Variants in C11orf65 observed in about 807,000 individuals in gnomAD.
C11orf65 encodes chromosome 11 open reading frame 65, also known as protein MFI.
Under a neutral mutation model 35.3 loss-of-function variants are expected in C11orf65, and 38 were observed. The observed-to-expected ratio is 1.08, with a 90% CI of 0.83 to 1.41. The LOEUF (loss-of-function observed/expected upper bound fraction) is 1.41. Ranked by LOEUF, C11orf65 falls within the 40% of genes most tolerant of loss-of-function variation. C11orf65 has a pLI of 0.00. For synonymous variants in C11orf65, 105 were observed against 114.4 expected (o/e 0.92, Z 0.53); for missense variants, 370 against 367.1 (o/e 1.01, Z -0.06).
intron 2 of C11orf65, among the ~76,000 whole-genome samples, chr11:108,373,948 T>C (rs1296783796): frequency 1.3e-5 from 2 of 152,162 alleles, no homozygotes; most frequent in Non-Finnish European, 2.9e-5. Context: ...GAGATCAAAC[T>C]GCAAGGCTGC....
chr11:108,442,608 C>T (rs1351850202), intron 2 of C11orf65, among the ~76,000 whole-genome samples: 1 of 152,158 alleles, frequency 6.6e-6, no homozygotes, highest in African/African-American at 2.4e-5. Flanking sequence ...GGAAACCCAT[C>T]AGAATAACAG....
At chr11:108,407,011 T>C (rs1461426477) in intron 4 of C11orf65, 48 bp from the exon 5 acceptor site, 2 of 1,569,490 alleles carry the variant, frequency 1.3e-6, no homozygotes, top group Admixed American at 1.7e-5. Context: ...ACTACAAAAA[T>C]GTTTTACATT....
At chr11:108,447,940 G>A (rs1424744367) in intron 2 of C11orf65, among the ~76,000 whole-genome samples, 6 of 152,114 alleles carry the variant, frequency 3.9e-5, no homozygotes, top group Non-Finnish European at 7.4e-5. Context: ...AATAAAAAAT[G>A]ATAAAGGGGA....
chr11:108,356,276 C>A (rs971013099), intron 2 of C11orf65, among the ~76,000 whole-genome samples: 5 of 152,148 alleles, frequency 3.3e-5, no homozygotes, highest in African/African-American at 1.2e-4. Flanking sequence ...TGGCTCATGC[C>A]TGTAATCCCA....
chr11:108,394,278 A>T (rs2092253064), intron 6 of C11orf65, among the ~76,000 whole-genome samples: 1 of 151,918 alleles, frequency 6.6e-6, no homozygotes, highest in African/African-American at 2.4e-5. Flanking sequence ...TTAAAATATC[A>T]TTCAAAGCTG....
chr11:108,383,310 A>G lies in C11orf65; in HGVS notation c.788-135T>C, dbSNP rs560407845. On this transcript the variant is annotated intron_variant, in intron 8 of 8. Transcript: ENST00000393084. ...CAAATATCTTCACCTGAAACCAGAA[A>G]CACCCCAAATTTCTGAGTTCATCCC... The G allele has an allele frequency of 8.9e-5, 65 of 729,386 alleles. No individual in the cohort carries two copies. The East Asian group carries it at 1.9e-3, about 21-fold the overall frequency. The allele number at this position is 729,386 out of a possible 1,614,324, so 45.2% of individuals were successfully genotyped here. A position where few individuals can be genotyped will look rare whatever the true frequency, so the allele number is the denominator to read the frequency against.
rs1057521506 is a variant in C11orf65, at chr11:108,335,955, T to G, written c.227-663A>C. The stretch of plus-strand genomic sequence containing the variant: ...GGAAGAGGAAATTAACTATCTGTAC[T>G]TATAAGGTAACTATTTGTACTTCTG... On this transcript the variant is annotated intron_variant, in intron 2 of 3. Transcript: ENST00000524755. 1 of 1,602,216 alleles carries G rather than the reference T, an allele frequency of 6.2e-7. No homozygotes were observed. The highest frequency in any genetic ancestry group is 1.7e-5 in the Admixed American group (1 of 59,996).
intron 2 of C11orf65, among the ~76,000 whole-genome samples, chr11:108,349,930 C>T (rs373759): frequency 0.28 from 42,710 of 151,832 alleles, 7,170 homozygotes; most frequent in Middle Eastern, 0.52. Flanking sequence ...AAAGTGATGC[C>T]AATAGGAAAG....
In C11orf65 at chr11:108,455,827, A is replaced by C. The variant is rs1258153206; in HGVS notation, c.81+5652T>G. 1.6e-4 allele frequency among the ~76,000 whole-genome samples: 24 copies of C among 146,036 alleles called. 1 individual carries two copies. The highest frequency in any genetic ancestry group is 3.3e-3 in the Middle Eastern group (1 of 304). ...CAAGACTCCACCTCAAAAAAAAAAAAAAAAAAAAAAAAACATGGAGAGAAA... is the reference window on the plus strand; with the variant it reads ...CAAGACTCCACCTCAAAAAAAAAAACAAAAAAAAAAAAACATGGAGAGAAA... On this transcript the variant is annotated intron_variant, in intron 2 of 8. Transcript: ENST00000393084.
intron 6 of C11orf65, among the ~76,000 whole-genome samples, chr11:108,323,988 T>C (rs1424559821): frequency 6.6e-6 from 1 of 152,172 alleles, no homozygotes; most frequent in Non-Finnish European, 1.5e-5. Context: ...TTGGGAAGTA[T>C]ACAGTTGAAA....
intron 6 of C11orf65, chr11:108,312,610 G>A: frequency 2.6e-6 from 2 of 774,280 alleles, no homozygotes; most frequent in Non-Finnish European, 2.2e-6. Context: ...TTTACTTACT[G>A]GACTAAGCAT....
chr11:108,316,782 C>T (rs1213139340), intron 6 of C11orf65, among the ~76,000 whole-genome samples: 80 of 147,822 alleles, frequency 5.4e-4, no homozygotes, highest in African/African-American at 1.9e-3. Flanking sequence ...AAAAATTAGC[C>T]GGGTGTGGTG....
rs898091069 is a variant in C11orf65, at chr11:108,354,872, G to A, written c.227-19580C>T. The A allele has an allele frequency of 1.2e-6, 2 of 1,611,596 alleles. No individual in the cohort carries two copies. The highest frequency in any genetic ancestry group is 1.7e-5 in the Admixed American group (1 of 60,004). On this transcript the variant is annotated intron_variant, in intron 2 of 3. Transcript: ENST00000524755. ...TCAGGAAACTCTGTTAACCATTGTA[G>A]AGGTAAAGTATTTTATAAGGAAGAC... is the stretch of plus-strand genomic sequence containing the variant.
rs2092471679 is a variant in C11orf65 at position 108,403,247 on chromosome 11, T to C, written c.560+2182A>G. Among the ~76,000 whole-genome samples, 5 of 152,202 alleles carry C rather than the reference T, an allele frequency of 3.3e-5. No individual in the cohort carries two copies. In the South Asian group the frequency reaches 1.0e-3, roughly 31 times the overall value. ...GCATGACAGACTATTTCAGTCATTC[T>C]AGTGGGTGTGTAGGGGTATCTCATT... On this transcript the variant is annotated intron_variant, in intron 6 of 8. Coordinates refer to ENST00000393084, the MANE Select transcript of C11orf65 (RefSeq NM_152587.5).
chr11:108,309,711 A>G (rs958025222), intron 6 of C11orf65, among the ~76,000 whole-genome samples: 1 of 152,226 alleles, frequency 6.6e-6, no homozygotes, highest in Non-Finnish European at 1.5e-5. Context: ...TTAAGGAGAA[A>G]ATAAGTCACA....
In C11orf65 at chr11:108,335,308, T is replaced by C. The variant is rs776904953; in HGVS notation, c.227-16A>G. Reference sequence around the variant, plus strand: ...TTTTGTGTCTCTGAAAGACAATCATTATTATATGGTTGATTCAAGTAAAAG... The same window carrying C: ...TTTTGTGTCTCTGAAAGACAATCATCATTATATGGTTGATTCAAGTAAAAG... On this transcript the variant is annotated splice_polypyrimidine_tract_variant and intron_variant, in intron 2 of 3. Transcript: ENST00000524755. The C allele has an allele frequency of 1.6e-5, 23 of 1,475,980 alleles. No homozygotes were observed. In the South Asian group the frequency reaches 2.8e-4, roughly 18 times the overall value. 91.4% of individuals were successfully genotyped at this position (1,475,980 alleles called of 1,614,324 possible).
intron 6 of C11orf65, among the ~76,000 whole-genome samples, chr11:108,324,225 AT>A (rs2085440241): frequency 1.3e-5 from 2 of 152,136 alleles, no homozygotes; most frequent in African/African-American, 4.8e-5. Context: ...TAAAAGCACA[AT>A]CTAGAGGTTA....
At chr11:108,462,911 G>A (rs2093489229) in intron 1 of C11orf65, among the ~76,000 whole-genome samples, 1 of 152,192 alleles carries the variant, frequency 6.6e-6, no homozygotes, top group Non-Finnish European at 1.5e-5. Context: ...CTTGAGGCCA[G>A]GAGTTCAACA....
chr11:108,326,077 T>A (rs753389616), intron 6 of C11orf65: 1 of 1,614,126 alleles, frequency 6.2e-7, no homozygotes, highest in Non-Finnish European at 8.5e-7. Context: ...AGGGCAATAT[T>A]TCAAATTAAA....
Sources: gnomAD v4.1 joint callset for allele counts (sites outside exome capture counted in the v4.1 genomes callset) on GRCh38, gnomAD v4.1.1 for gene constraint, MANE v1.5 for transcripts, NCBI Gene and HGNC (gene_info 2026-07-23, HGNC 2026-07-21) for gene names.